The following TMEM117 variants were observed in gnomAD, a reference collection of about 807,000 sequenced individuals.
TMEM117 encodes transmembrane protein 117.
In TMEM117, 27 loss-of-function variants were observed where a neutral mutation model predicts 52.4. The ratio of observed to expected loss-of-function variants is 0.51; its 90% CI spans 0.38 to 0.71. The LOEUF (loss-of-function observed/expected upper bound fraction) is 0.71. Ranked by LOEUF, TMEM117 falls within the 30% of genes least tolerant of loss-of-function variation. The pLI, the probability that TMEM117 is intolerant of heterozygous loss-of-function variation, is 0.00. For missense variants in TMEM117, 556 were observed against 630.5 expected (o/e 0.88, Z 1.26); for synonymous variants, 215 against 206.3 (o/e 1.04, Z -0.36).
At chr12:44,339,164 C>T (rs955703391) in intron 6 of TMEM117, among the ~76,000 whole-genome samples, 2 of 152,044 alleles carry the variant, frequency 1.3e-5, no homozygotes, top group Non-Finnish European at 2.9e-5. Flanking sequence ...TGACCATGTT[C>T]TTGGTTTGCC....
rs182135605 is a variant in TMEM117 at position 44,312,523 on chromosome 12, A to G, written c.768+12784A>G. ...TCCAATCCACCGCTGTTGGGCCCTT[A>G]GATTGATTCCATGTCTTTTGCTATT... On this transcript the variant is annotated intron_variant, in intron 6 of 7. Transcript: ENST00000266534. Among the ~76,000 whole-genome samples, 157 of 152,082 alleles carry G rather than the reference A, an allele frequency of 1.0e-3. 1 individual carries two copies. Among genetic ancestry groups the G allele is most frequent in the Admixed American group, 9.2e-3 (140 of 15,278 alleles).
chr12:44,324,564 G>GA (rs942789063), intron 6 of TMEM117, among the ~76,000 whole-genome samples: 2 of 151,400 alleles, frequency 1.3e-5, no homozygotes, highest in Admixed American at 6.6e-5. Context: ...GGTTCTTTGG[G>GA]AAAAAAAATT....
At chr12:43,891,165 C>A (rs991829267) in intron 2 of TMEM117, among the ~76,000 whole-genome samples, 1 of 151,780 alleles carries the variant, frequency 6.6e-6, no homozygotes, top group African/African-American at 2.4e-5. Flanking sequence ...AAAATAATGG[C>A]CCTTCCTTTT....
chr12:44,093,452 A>C (rs745725664), intron 3 of TMEM117, among the ~76,000 whole-genome samples: 1 of 152,154 alleles, frequency 6.6e-6, no homozygotes, highest in Non-Finnish European at 1.5e-5. Flanking sequence ...ATGAACAAGA[A>C]TCACAGTGTC....
intron 2 of TMEM117, among the ~76,000 whole-genome samples, chr12:43,914,485 C>T (rs1484523520): frequency 6.6e-6 from 1 of 152,168 alleles, no homozygotes; most frequent in East Asian, 1.9e-4. Flanking sequence ...GTGCCAAACA[C>T]TGTGCCGGGA....
At chr12:43,845,786 TGTG>T (rs1450590798) in intron 2 of TMEM117, among the ~76,000 whole-genome samples, 3 of 151,084 alleles carry the variant, frequency 2.0e-5, no homozygotes, top group Non-Finnish European at 4.4e-5. Flanking sequence ...AGCAAGAACA[TGTG>T]GTGTTTGGTT....
Position 44,296,646 on chromosome 12 carries a change from G to A in TMEM117, c.609-2934G>A, listed in dbSNP as rs182132601. On this transcript the variant is annotated intron_variant, in intron 5 of 7. Coordinates refer to ENST00000266534, the MANE Select transcript of TMEM117 (RefSeq NM_032256.3). ...CAGCATCTACAGTGGGACCAAAGTTGGTGGGACTGCCACCAGGGCATGAAT... is the reference window on the plus strand; with the variant it reads ...CAGCATCTACAGTGGGACCAAAGTTAGTGGGACTGCCACCAGGGCATGAAT... Among the ~76,000 whole-genome samples, 255 of 152,322 alleles carry A rather than the reference G, an allele frequency of 1.7e-3. 2 individuals carry two copies. The highest frequency in any genetic ancestry group is 5.8e-3 in the African/African-American group (243 of 41,566).
At chr12:44,396,848 C>CAA in the TMEM117 span, among the ~76,000 whole-genome samples, 451 of 66,430 alleles carry the variant, frequency 6.8e-3, 4 homozygotes, top group African/African-American at 0.021. Context: ...AGTGAGACTC[C>CAA]AAAAAAAAAA....
chr12:44,023,599 G>A (rs562047446), intron 3 of TMEM117, among the ~76,000 whole-genome samples: 1,778 of 152,102 alleles, frequency 0.012, 26 homozygotes, highest in African/African-American at 0.04. Flanking sequence ...TTTTTCATGT[G>A]TCTGTTGGCT....
intron 2 of TMEM117, among the ~76,000 whole-genome samples, chr12:43,938,353 A>G (rs2137599397): frequency 6.6e-6 from 1 of 151,524 alleles, no homozygotes; most frequent in South Asian, 2.1e-4. Context: ...TAATTGCTTC[A>G]GGACCCAAAT....
intron 3 of TMEM117, among the ~76,000 whole-genome samples, chr12:43,953,532 C>A (rs1414452461): frequency 6.6e-6 from 1 of 151,888 alleles, no homozygotes; most frequent in African/African-American, 2.4e-5. Context: ...TTTAAAGCAA[C>A]AAAGGTCAAA....
At chr12:44,230,875 C>A (rs1449908969) in intron 5 of TMEM117, among the ~76,000 whole-genome samples, 2 of 151,824 alleles carry the variant, frequency 1.3e-5, no homozygotes, top group Non-Finnish European at 2.9e-5. Flanking sequence ...GCCTTTGGTT[C>A]TTTGAATATT....
chr12:43,939,653 T>C (rs1176366820), intron 2 of TMEM117, among the ~76,000 whole-genome samples: 1 of 152,170 alleles, frequency 6.6e-6, no homozygotes, highest in Non-Finnish European at 1.5e-5. Flanking sequence ...GTGCCTGGGA[T>C]CTACTCAGGT....
At chr12:44,291,148 G>A (rs1565679431) in intron 5 of TMEM117, among the ~76,000 whole-genome samples, 1 of 151,964 alleles carries the variant, frequency 6.6e-6, no homozygotes, top group Non-Finnish European at 1.5e-5. Flanking sequence ...CCATTTATTT[G>A]TCTCTTCAGT....
chr12:44,017,766 ATGT>A (rs1215669102), intron 3 of TMEM117, among the ~76,000 whole-genome samples: 13 of 152,220 alleles, frequency 8.5e-5, no homozygotes, highest in Non-Finnish European at 1.8e-4. Context: ...ATCAAAGGTA[ATGT>A]TATTATTTAA....
At chr12:43,837,487 C>G (rs1434254349) in intron 1 of TMEM117, among the ~76,000 whole-genome samples, 1 of 152,102 alleles carries the variant, frequency 6.6e-6, no homozygotes, top group African/African-American at 2.4e-5. Context: ...GCTGGGATTA[C>G]AGGCGCGCGC....
At chr12:43,984,318 A>G (rs1945809650) in intron 3 of TMEM117, among the ~76,000 whole-genome samples, 2 of 152,028 alleles carry the variant, frequency 1.3e-5, no homozygotes, top group Non-Finnish European at 2.9e-5. Context: ...CAGTGAGCTG[A>G]GATGACGTCA....
At chr12:43,803,750 T>C in the TMEM117 span, among the ~76,000 whole-genome samples, 1 of 152,130 alleles carries the variant, frequency 6.6e-6, no homozygotes, top group Non-Finnish European at 1.5e-5. Context: ...CAAACTATTC[T>C]GGTATTTTTT....
intron 2 of TMEM117, among the ~76,000 whole-genome samples, chr12:43,910,522 G>A (rs1258781692): frequency 6.7e-6 from 1 of 148,200 alleles, no homozygotes; most frequent in Non-Finnish European, 1.5e-5. Flanking sequence ...AGGAAATAAA[G>A]GGTATTCAAT....
Sources: gnomAD v4.1 joint callset for allele counts (sites outside exome capture counted in the v4.1 genomes callset) on GRCh38, gnomAD v4.1.1 for gene constraint, MANE v1.5 for transcripts, NCBI Gene and HGNC (gene_info 2026-07-23, HGNC 2026-07-21) for gene names.